Variants in CLMP observed in about 807,000 individuals in gnomAD.
CLMP encodes the protein CXADR like cell adhesion molecule, also known as CXADR-like membrane protein.
In CLMP, 27 loss-of-function variants were observed where a neutral mutation model predicts 45.2. That is an observed-to-expected ratio of 0.60 (90% CI 0.44 to 0.82). CLMP has a LOEUF of 0.82. Ranked by LOEUF, CLMP falls within the 40% of genes least tolerant of loss-of-function variation. The probability of loss-of-function intolerance (pLI) is 0.00; values close to 1 mark genes in which losing one functional copy is unlikely to be tolerated. For missense variants in CLMP, 403 were observed against 448.4 expected (o/e 0.90, Z 0.91); for synonymous variants, 167 against 171.4 (o/e 0.97, Z 0.20).
At chr11:123,141,015 T>C (rs1861148411) in intron 1 of CLMP, among the ~76,000 whole-genome samples, 1 of 152,050 alleles carries the variant, frequency 6.6e-6, no homozygotes, top group African/African-American at 2.4e-5. Context: ...TCTTTTGCCA[T>C]GTGATATATG....
At chr11:123,082,616 TG>T (rs201185447) in intron 5 of CLMP, among the ~76,000 whole-genome samples, 1,258 of 120,074 alleles carry the variant, frequency 0.01, 13 homozygotes, top group South Asian at 0.028. Flanking sequence ...TTTTTGTGTG[TG>T]TTTTTTTTTT....
chr11:123,119,456 A>G (rs79134896), intron 1 of CLMP, among the ~76,000 whole-genome samples: 3,431 of 152,230 alleles, frequency 0.023, 136 homozygotes, highest in African/African-American at 0.077. Context: ...GTGTGCTTAC[A>G]GGGGTAACGA....
intron 1 of CLMP, among the ~76,000 whole-genome samples, chr11:123,150,483 G>GAAAGAAAGAAA (rs1491432736): frequency 2.2e-5 from 2 of 92,314 alleles, no homozygotes; most frequent in Admixed American, 1.2e-4. Flanking sequence ...AAGAAAGAAA[G>GAAAGAAAGAAA]GAAGGAAGGA....
At chr11:123,116,124 A>T (rs1860717041) in intron 1 of CLMP, among the ~76,000 whole-genome samples, 1 of 151,876 alleles carries the variant, frequency 6.6e-6, no homozygotes, top group Non-Finnish European at 1.5e-5. Flanking sequence ...ACAAGATGAG[A>T]CGTCTCAGAG....
intron 1 of CLMP, among the ~76,000 whole-genome samples, chr11:123,150,496 G>GC (rs1565397509): frequency 1.1e-5 from 1 of 86,998 alleles, no homozygotes; most frequent in African/African-American, 4.5e-5. Flanking sequence ...AGGAAGGAAG[G>GC]AAGGAAGGAA....
chr11:123,088,770 C>T (rs1212583546), intron 2 of CLMP, among the ~76,000 whole-genome samples: 1 of 152,138 alleles, frequency 6.6e-6, no homozygotes, highest in Non-Finnish European at 1.5e-5. Flanking sequence ...GGATTACAGG[C>T]ATTCACCACC....
At chr11:123,082,519 G>A (rs1377688314) in intron 5 of CLMP, among the ~76,000 whole-genome samples, 2 of 152,072 alleles carry the variant, frequency 1.3e-5, no homozygotes. Flanking sequence ...ATGTTGGTCA[G>A]GCTGAACTCC....
chr11:123,143,083 T>C (rs1430151507), intron 1 of CLMP, among the ~76,000 whole-genome samples: 1 of 152,208 alleles, frequency 6.6e-6, no homozygotes, highest in Non-Finnish European at 1.5e-5. Flanking sequence ...ACCTATTCCC[T>C]GGGCCAAGTC....
chr11:123,078,619 G>T (rs1358361229), intron 5 of CLMP, among the ~76,000 whole-genome samples: 5 of 143,932 alleles, frequency 3.5e-5, no homozygotes, highest in Non-Finnish European at 7.6e-5. Context: ...GCTAAGTTTT[G>T]TTTTTTTGTG....
chr11:123,129,370 AAAAT>A (rs1194767286), intron 1 of CLMP, among the ~76,000 whole-genome samples: 1,343 of 130,170 alleles, frequency 0.01, 50 homozygotes, highest in African/African-American at 0.037. Context: ...TATATTATAT[AAAAT>A]ATATATCATA....
intron 5 of CLMP, among the ~76,000 whole-genome samples, chr11:123,078,940 G>A (rs922136898): frequency 9.2e-5 from 14 of 152,022 alleles, no homozygotes; most frequent in Non-Finnish European, 1.9e-4. Context: ...CACCGTGCCC[G>A]GCAAGTTTTA....
chr11:123,117,020 G>T (rs1424675247), intron 1 of CLMP, among the ~76,000 whole-genome samples: 1 of 152,070 alleles, frequency 6.6e-6, no homozygotes, highest in Non-Finnish European at 1.5e-5. Context: ...AGGCCAAGGC[G>T]AGTGGATCAC....
chr11:123,080,326 CTTT>C (rs35892566), intron 5 of CLMP, among the ~76,000 whole-genome samples: 14 of 136,238 alleles, frequency 1.0e-4, no homozygotes, highest in Admixed American at 1.5e-4. Flanking sequence ...TGAAGGTGTA[CTTT>C]TTTTTTTTTT....
chr11:123,166,026 T>C (rs1037385986), intron 1 of CLMP, among the ~76,000 whole-genome samples: 3 of 152,220 alleles, frequency 2.0e-5, no homozygotes, highest in African/African-American at 7.2e-5. Context: ...TCAACAGGCA[T>C]AAGATCTGAA....
intron 1 of CLMP, among the ~76,000 whole-genome samples, chr11:123,106,149 T>G (rs1457751148): frequency 2.0e-5 from 3 of 152,098 alleles, no homozygotes; most frequent in African/African-American, 7.2e-5. Context: ...TATTCTATTT[T>G]TTTTTTTAGC....
chr11:123,082,687 T>C (rs1865819875), intron 5 of CLMP, among the ~76,000 whole-genome samples: 1 of 151,474 alleles, frequency 6.6e-6, no homozygotes, highest in African/African-American at 2.4e-5. Flanking sequence ...CTTGGCTCAC[T>C]GCAACCTCCG....
At chr11:123,131,706 C>T (rs1860991882) in intron 1 of CLMP, among the ~76,000 whole-genome samples, 1 of 151,162 alleles carries the variant, frequency 6.6e-6, no homozygotes, top group Non-Finnish European at 1.5e-5. Context: ...ACCCCTGTCT[C>T]CCGGGTTTGA....
At position 123,073,476 on chromosome 11, in the gene CLMP, A is replaced by G. The variant is rs1591446331; in HGVS notation, c.1120T>C (p.Ter374ArgextTer11). The G allele has an allele frequency of 5.6e-6, 9 of 1,607,996 alleles. No homozygotes were observed. In the East Asian group the frequency reaches 2.0e-4, roughly 36 times the overall value. ...GTGGGAGTCAAGTCCATTGTAATTC[A>G]GACCGTTTGGAAGGCTCTGCTCTGG... ...PSQSRAFQTV[*>R] is the part of the protein sequence containing the mutation. The change falls in exon 7 of 7, where the codon TGA becomes CGA. Residue 374 changes from the stop codon to arginine, a stop_lost. Coordinates refer to ENST00000448775, the MANE Select transcript of CLMP (RefSeq NM_024769.5).
At chr11:123,120,781 C>A (rs956854230) in intron 1 of CLMP, among the ~76,000 whole-genome samples, 1 of 152,032 alleles carries the variant, frequency 6.6e-6, no homozygotes, top group Non-Finnish European at 1.5e-5. Flanking sequence ...TGTTTCTATT[C>A]GCTTTTCTCT....
Sources: allele counts gnomAD v4.1 joint callset (sites outside exome capture counted in the v4.1 genomes callset), GRCh38; gene constraint gnomAD v4.1.1; transcripts MANE v1.5; gene names NCBI Gene and HGNC (gene_info 2026-07-23, HGNC 2026-07-21).